The following SP140 variants were observed in gnomAD, a reference collection of about 807,000 sequenced individuals.
SP140 encodes the protein SP140 nuclear body protein.
Under a neutral mutation model 125.0 loss-of-function variants are expected in SP140, and 81 were observed. The ratio of observed to expected loss-of-function variants is 0.65; its 90% CI spans 0.54 to 0.78. The LOEUF is 0.78. SP140 is among the 30% of genes least tolerant of loss of function. SP140 has a pLI of 0.00. For synonymous variants in SP140, 312 were observed against 354.0 expected, an observed-to-expected ratio of 0.88 and a Z score of 1.33; for missense variants, 858 against 1,037.0, an observed-to-expected ratio of 0.83 and a Z score of 2.37.
chr2:230,221,732 G>A (rs1461328020), upstream of SP140: 2 of 1,536,010 alleles, frequency 1.3e-6, no homozygotes, highest in Admixed American at 3.9e-5. Flanking sequence ...CACCTGGAAA[G>A]CCCCTTCATG....
At chr2:230,198,410 T>C (rs530524032), upstream of SP140, among the ~76,000 whole-genome samples, 4 of 152,324 alleles carry the variant, frequency 2.6e-5, no homozygotes, top group East Asian at 7.7e-4. Context: ...GCAGTCATAA[T>C]GCCCACCATA....
chr2:230,255,022 G>C (rs2149251619), intron 11 of SP140, among the ~76,000 whole-genome samples: 1 of 152,286 alleles, frequency 6.6e-6, no homozygotes, highest in South Asian at 2.1e-4. Flanking sequence ...GAAAAAGGGG[G>C]TGACAAGGAA....
At chr2:230,314,120 T>A (rs1330862983), downstream of SP140, among the ~76,000 whole-genome samples, 1 of 152,156 alleles carries the variant, frequency 6.6e-6, no homozygotes, top group Non-Finnish European at 1.5e-5. Context: ...CTTATGCCAA[T>A]GTCAAGGCCA....
rs1420571753 is a variant in SP140, at chr2:230,285,695, C to T, written c.1565-57C>T. On this transcript the variant is annotated intron_variant, in intron 16 of 26. Transcript: ENST00000392045. ...CTCCCTCACTTGCGTTTGTTCCTGC[C>T]TGACAGCTGTTGTTCTGCCCAGTTC... The T allele has an allele frequency of 2.8e-6, 4 of 1,414,648 alleles. No homozygotes were observed. The South Asian group carries it at 3.5e-5, about 12-fold the overall frequency. The allele number at this position is 1,414,648 out of a possible 1,614,324, so 87.6% of individuals were successfully genotyped here.
At chr2:230,268,097 T>A (rs2053393805) in intron 12 of SP140, among the ~76,000 whole-genome samples, 1 of 152,186 alleles carries the variant, frequency 6.6e-6, no homozygotes, top group African/African-American at 2.4e-5. Context: ...AATAAGACTT[T>A]TTGTTTTTTT....
chr2:230,211,540 G>C lies in SP140; in HGVS notation c.-322-2114G>C, dbSNP rs2044477761. ...CTTTATCTCTTATTTGGGGGATCAG[G>C]TTGTCACTGGCCACTGAATGGAGGA... On this transcript the variant is annotated intron_variant, in intron 1 of 4. Coordinates refer to the SP140 transcript ENST00000456542. The surrounding 1 kb of genome is among the most constrained non-coding windows in gnomAD (Gnocchi z 4.2). The C allele has an allele frequency of 1.9e-6, 3 of 1,606,474 alleles. No individual in the cohort carries two copies. The South Asian group carries it at 3.3e-5, about 18-fold the overall frequency.
At chr2:230,308,283 C>G (rs1373208971) in intron 22 of SP140, among the ~76,000 whole-genome samples, 1 of 152,040 alleles carries the variant, frequency 6.6e-6, no homozygotes, top group African/African-American at 2.4e-5. Context: ...ACATTGGGTA[C>G]AGCGTACACT....
rs1298624596 is a variant in SP140 at position 230,287,898 on chromosome 2, A to G, written c.1652A>G (p.Lys551Arg). The change falls in exon 18 of 27, where the codon AAG (lysine) becomes AGG (arginine). Residue 551 changes from lysine to arginine, a missense_variant. Coordinates refer to ENST00000392045, the MANE Select transcript of SP140 (RefSeq NM_007237.5). ...LKDLSKIRGR[K>R]RGKPGTRFTQ... Reference sequence around the variant, plus strand: ...TATTATTCTACTTTCTCAGGGAGAAAGAGAGGCAAACCTGGAACCCGCTTC... The same window carrying G: ...TATTATTCTACTTTCTCAGGGAGAAGGAGAGGCAAACCTGGAACCCGCTTC... 7 of 1,611,402 alleles carry G rather than the reference A, an allele frequency of 4.3e-6. No homozygotes were observed. The highest frequency in any genetic ancestry group is 5.1e-6 in the Non-Finnish European group (6 of 1,179,408).
intron 1 of SP140, among the ~76,000 whole-genome samples, chr2:230,213,257 T>C (rs2044696419): frequency 6.6e-6 from 1 of 152,224 alleles, no homozygotes; most frequent in South Asian, 2.1e-4. Context: ...AGCCCTGATC[T>C]AATACCAAAA....
chr2:230,224,324 C>T (rs905711458), upstream of SP140, among the ~76,000 whole-genome samples: 7 of 151,918 alleles, frequency 4.6e-5, no homozygotes, highest in African/African-American at 1.2e-4. Flanking sequence ...CTGGAGCAGG[C>T]GGTATAGTCT....
chr2:230,237,301 C>T lies in SP140; in HGVS notation c.237+41C>T. On this transcript the variant is annotated intron_variant, in intron 2 of 26. Coordinates refer to ENST00000392045, the MANE Select transcript of SP140 (RefSeq NM_007237.5). This position sits in a 1 kb window ranked among gnomAD's most constrained non-coding sequence, Gnocchi z 5.4. ...CAAATGATGATAAACCAGGTCCATACTCAATTATGCCAAACTTCAAGATGC... is the reference window on the plus strand; with the variant it reads ...CAAATGATGATAAACCAGGTCCATATTCAATTATGCCAAACTTCAAGATGC... 1 of 1,572,066 alleles carries T rather than the reference C, an allele frequency of 6.4e-7. No individual in the cohort carries two copies. Among genetic ancestry groups the T allele is most frequent in the Non-Finnish European group, 8.7e-7 (1 of 1,151,708 alleles).
At chr2:230,272,029 G>T (rs2054001718) in intron 15 of SP140, among the ~76,000 whole-genome samples, 1 of 152,102 alleles carries the variant, frequency 6.6e-6, no homozygotes, top group Non-Finnish European at 1.5e-5. Flanking sequence ...TCTCTACAAG[G>T]AGAACTAAAA....
At chr2:230,312,497 A>G in intron 26 of SP140, 89 bp from the exon 27 acceptor site, 1 of 834,218 alleles carries the variant, frequency 1.2e-6, no homozygotes, top group South Asian at 1.7e-5. Context: ...TTTTTTTTTA[A>G]AGACAAGAGT....
At chr2:230,197,928 A>G in the SP140 span, among the ~76,000 whole-genome samples, 5 of 152,364 alleles carry the variant, frequency 3.3e-5, no homozygotes, top group South Asian at 1.0e-3. Context: ...CTGGGATTAC[A>G]GGTGTGAGCT....
chr2:230,188,310 A>G, the SP140 span, among the ~76,000 whole-genome samples: 435 of 152,282 alleles, frequency 2.9e-3, 4 homozygotes, highest in Middle Eastern at 0.01. Flanking sequence ...GTAGGTGTAT[A>G]GCAGTGCTAA....
chr2:230,199,581 G>C (rs1462853248), upstream of SP140, among the ~76,000 whole-genome samples: 3 of 152,002 alleles, frequency 2.0e-5, no homozygotes, highest in Non-Finnish European at 4.4e-5. Context: ...TTGAAAAAAA[G>C]TGAAATCATG....
intron 11 of SP140, among the ~76,000 whole-genome samples, chr2:230,254,685 T>C (rs1374016800): frequency 6.6e-6 from 1 of 152,232 alleles, no homozygotes; most frequent in Non-Finnish European, 1.5e-5. Flanking sequence ...GCACAATTGT[T>C]ATTTGCAAGA....
At chr2:230,231,061 T>A (rs73998776) in intron 1 of SP140, among the ~76,000 whole-genome samples, 2,000 of 152,356 alleles carry the variant, frequency 0.013, 30 homozygotes, top group African/African-American at 0.046. Flanking sequence ...AAAGGTATTC[T>A]TCATTTCTGT....
At chr2:230,238,563 TG>T (rs1225395202) in intron 3 of SP140, 182 bp downstream of exon 3, 1 of 747,690 alleles carries the variant, frequency 1.3e-6, no homozygotes, top group African/African-American at 1.8e-5. Flanking sequence ...TTACATACAG[TG>T]GGAGTGACAG....
Sources: gnomAD v4.1 joint callset for allele counts (sites outside exome capture counted in the v4.1 genomes callset) on GRCh38, gnomAD v4.1.1 for gene constraint, Gnocchi (gnomAD v3.1) non-coding constraint, MANE v1.5 for transcripts, NCBI Gene and HGNC (gene_info 2026-07-23, HGNC 2026-07-21) for gene names.